The following ADORA1 variants were observed in gnomAD, a reference collection of about 807,000 sequenced individuals.
The protein encoded by ADORA1 is adenosine receptor A1.
ADORA1 carries 6 observed loss-of-function variants against 19.9 expected under a neutral mutation model. The observed-to-expected ratio is 0.30, with a 90% CI of 0.17 to 0.59. ADORA1 has a LOEUF of 0.59. Among genes scored for constraint, ADORA1 ranks in the 20% least tolerant of loss-of-function variants. ADORA1 has a pLI of 0.87. For synonymous variants in ADORA1, 194 were observed against 188.4 expected (o/e 1.03, Z -0.24); for missense variants, 302 against 439.2 (o/e 0.69, Z 2.79).
intron 3 of ADORA1, among the ~76,000 whole-genome samples, chr1:203,163,318 G>A (rs752992315): frequency 6.6e-6 from 1 of 152,190 alleles, no homozygotes; most frequent in Non-Finnish European, 1.5e-5. Context: ...TTTTACAGAG[G>A]AGACATTGAT....
At chr1:203,154,770 C>A (rs1312380646) in intron 3 of ADORA1, among the ~76,000 whole-genome samples, 2 of 152,194 alleles carry the variant, frequency 1.3e-5, no homozygotes, top group Non-Finnish European at 2.9e-5. Context: ...TGATACAAAA[C>A]AGGGCAGGGC....
intron 3 of ADORA1, among the ~76,000 whole-genome samples, chr1:203,132,726 C>T (rs1370151964): frequency 6.6e-6 from 1 of 152,120 alleles, no homozygotes; most frequent in Non-Finnish European, 1.5e-5. Flanking sequence ...ACATGCCTGT[C>T]ATCCCAGCTA....
In ADORA1 at chr1:203,165,213, G is replaced by A. The variant is rs746181330; in HGVS notation, c.342-48G>A. ...CAGGCGTGCCTCAGAGGGGCCTTTCGAGGCAGCTGGGAGGCAGATCCTCAC... is the reference window on the plus strand; with the variant it reads ...CAGGCGTGCCTCAGAGGGGCCTTTCAAGGCAGCTGGGAGGCAGATCCTCAC... On this transcript the variant is annotated intron_variant, in intron 3 of 3. Coordinates refer to ENST00000337894, the MANE Select transcript of ADORA1 (RefSeq NM_000674.3). This position sits in a 1 kb window ranked among gnomAD's most constrained non-coding sequence, Gnocchi z 5.9. The A allele has an allele frequency of 4.4e-6, 7 of 1,599,326 alleles. No individual in the cohort carries two copies. Among genetic ancestry groups the A allele is most frequent in the African/African-American group, 2.7e-5 (2 of 74,204 alleles).
intron 3 of ADORA1, chr1:203,150,732 CG>C: frequency 7.8e-7 from 1 of 1,289,774 alleles, no homozygotes; most frequent in Admixed American, 2.3e-5. Flanking sequence ...CTGTGGAATG[CG>C]GAGCTGAGTG....
At chr1:203,134,966 T>C (rs1654458678) in intron 3 of ADORA1, among the ~76,000 whole-genome samples, 1 of 152,242 alleles carries the variant, frequency 6.6e-6, no homozygotes. Context: ...TTATTACTCA[T>C]CTTTTGGGTC....
chr1:203,150,865 C>G, intron 3 of ADORA1: 1 of 1,226,642 alleles, frequency 8.2e-7, no homozygotes, highest in Non-Finnish European at 1.1e-6. Flanking sequence ...GTGCTGTGAG[C>G]TTTAGGGGGC....
intron 3 of ADORA1, among the ~76,000 whole-genome samples, chr1:203,132,022 C>T (rs1414316110): frequency 1.3e-5 from 2 of 152,146 alleles, no homozygotes; most frequent in African/African-American, 4.8e-5. Flanking sequence ...GGTCAGTCAA[C>T]CACAAATTTT....
intron 3 of ADORA1, among the ~76,000 whole-genome samples, chr1:203,145,510 G>C (rs1355022271): frequency 6.6e-6 from 1 of 152,250 alleles, no homozygotes; most frequent in Non-Finnish European, 1.5e-5. Flanking sequence ...GCTGACAGAA[G>C]GGAAGGGGCG....
intron 3 of ADORA1, among the ~76,000 whole-genome samples, chr1:203,133,144 C>T (rs544525917): frequency 6.8e-6 from 1 of 147,748 alleles, no homozygotes; most frequent in East Asian, 2.0e-4. Context: ...GATGGAGTCT[C>T]ATTCTGTCGC....
At chr1:203,164,176 A>G (rs1655460011) in intron 3 of ADORA1, among the ~76,000 whole-genome samples, 1 of 152,214 alleles carries the variant, frequency 6.6e-6, no homozygotes. Flanking sequence ...AGATGTTTCT[A>G]TCTTCTTTGT....
chr1:203,138,664 G>A (rs1461200282), intron 3 of ADORA1, among the ~76,000 whole-genome samples: 1 of 152,172 alleles, frequency 6.6e-6, no homozygotes, highest in Non-Finnish European at 1.5e-5. Flanking sequence ...TGGGGGCAAC[G>A]CCTGAATGGA....
In ADORA1 at chr1:203,165,106, A is replaced by AG. The variant is rs1259401538; in HGVS notation, c.342-154dup. On this transcript the variant is annotated intron_variant, in intron 3 of 3. Transcript: ENST00000337894. The surrounding 1 kb of genome is among the most constrained non-coding windows in gnomAD (Gnocchi z 5.9). ...ACTAAATCTTAGATCCTGAAGACTC[A>AG]GCCCTCGAGCAAAAGACATGCACCT... 1.3e-5 allele frequency: 20 copies of AG among 1,551,568 alleles called. No homozygotes were observed. Among genetic ancestry groups the AG allele is most frequent in the Non-Finnish European group, 1.7e-5 (20 of 1,147,452 alleles).
At position 203,162,189 on chromosome 1, in the gene ADORA1, C is replaced by G. The variant is rs539334374; in HGVS notation, c.342-3072C>G. Among the ~76,000 whole-genome samples, 6 of 152,318 alleles carry G rather than the reference C, an allele frequency of 3.9e-5. No homozygotes were observed. In the East Asian group the frequency reaches 1.2e-3, roughly 29 times the overall value. ...TCTCTCCTGGCCTTGGGAGGCAGCC[C>G]TTCCTGTGAGAGCCTGCCCCACCTC... is the stretch of plus-strand genomic sequence containing the variant. On this transcript the variant is annotated intron_variant, in intron 3 of 3. Coordinates refer to ENST00000337894, the MANE Select transcript of ADORA1 (RefSeq NM_000674.3).
chr1:203,148,094 C>A (rs2102751506), intron 3 of ADORA1, among the ~76,000 whole-genome samples: 1 of 152,304 alleles, frequency 6.6e-6, no homozygotes, highest in African/African-American at 2.4e-5. Context: ...TGGCGGGCGC[C>A]TGTAGTCCCA....
At position 203,128,761 on chromosome 1, in the gene ADORA1, T is replaced by C; in HGVS notation, c.-57-24T>C. On this transcript the variant is annotated intron_variant, in intron 2 of 3. Transcript: ENST00000337894. The surrounding 1 kb of genome is among the most constrained non-coding windows in gnomAD (Gnocchi z 5.9). ...TGCCCCTCCCAGACGGGTCTCCCCATCCCAGGCTTCCCTGACCACACAGGT... is the reference window on the plus strand; with the variant it reads ...TGCCCCTCCCAGACGGGTCTCCCCACCCCAGGCTTCCCTGACCACACAGGT... The C allele has an allele frequency of 6.6e-7, 1 of 1,520,004 alleles. No individual in the cohort carries two copies. The highest frequency in any genetic ancestry group is 1.3e-5 in the South Asian group (1 of 77,786). 94.2% of individuals were successfully genotyped at this position (1,520,004 alleles called of 1,614,324 possible).
At chr1:203,161,415 G>A (rs1416143661) in intron 3 of ADORA1, among the ~76,000 whole-genome samples, 2 of 152,086 alleles carry the variant, frequency 1.3e-5, no homozygotes, top group Admixed American at 1.3e-4. Flanking sequence ...GACCAGCCTG[G>A]ACAACACAGG....
chr1:203,132,029 TTTTC>T (rs1425804520), intron 3 of ADORA1, among the ~76,000 whole-genome samples: 12 of 152,270 alleles, frequency 7.9e-5, no homozygotes, highest in Non-Finnish European at 1.2e-4. Context: ...CAACCACAAA[TTTTC>T]TTTCTTTCTA....
At chr1:203,163,432 C>T (rs1308863592) in intron 3 of ADORA1, among the ~76,000 whole-genome samples, 2 of 152,122 alleles carry the variant, frequency 1.3e-5, no homozygotes, top group Non-Finnish European at 2.9e-5. Flanking sequence ...GAATGGGCTT[C>T]AATTTCAGCA....
At chr1:203,131,781 G>A (rs1207898181) in intron 3 of ADORA1, among the ~76,000 whole-genome samples, 3 of 152,232 alleles carry the variant, frequency 2.0e-5, no homozygotes, top group African/African-American at 7.2e-5. Flanking sequence ...CCTTCCAGGA[G>A]GAACAGCATG....
Sources: allele counts gnomAD v4.1 joint callset (sites outside exome capture counted in the v4.1 genomes callset), GRCh38; gene constraint gnomAD v4.1.1; non-coding constraint Gnocchi (gnomAD v3.1); transcripts MANE v1.5; gene names NCBI Gene and HGNC (gene_info 2026-07-23, HGNC 2026-07-21).